The following NSUN6 variants were observed in gnomAD, a reference collection of about 807,000 sequenced individuals.
NSUN6 encodes the protein NOP2/Sun RNA methyltransferase 6, also known as tRNA (cytosine(72)-C(5))-methyltransferase NSUN6.
NSUN6 carries 64 observed loss-of-function variants against 58.0 expected under a neutral mutation model. That is an observed-to-expected ratio of 1.10 (90% CI 0.90 to 1.36). The LOEUF (loss-of-function observed/expected upper bound fraction) is 1.36, where lower values mean the gene tolerates loss of function less well. Among genes scored for constraint, NSUN6 ranks in the 40% most tolerant of loss-of-function variants. The pLI is 0.00. For missense variants in NSUN6, 701 were observed against 550.1 expected, an observed-to-expected ratio of 1.27 and a Z score of -2.74; for synonymous variants, 231 against 193.9, an observed-to-expected ratio of 1.19 and a Z score of -1.59.
upstream of NSUN6, chr10:18,653,186 G>T: frequency 2.0e-6 from 2 of 984,536 alleles, no homozygotes; most frequent in African/African-American, 3.5e-5. Context: ...AACTCCACAA[G>T]GATAGAGACT....
intron 3 of NSUN6, among the ~76,000 whole-genome samples, chr10:18,621,647 G>A (rs1002637397): frequency 2.6e-5 from 4 of 152,056 alleles, no homozygotes; most frequent in African/African-American, 7.2e-5. Context: ...GAAAGATTAC[G>A]TTCCAACAGT....
At chr10:18,567,653 TTCC>T (rs1277162767) in intron 8 of NSUN6, among the ~76,000 whole-genome samples, 1 of 151,304 alleles carries the variant, frequency 6.6e-6, no homozygotes, top group Non-Finnish European at 1.5e-5. Flanking sequence ...TTCCATTCCA[TTCC>T]TCATTGCATT....
chr10:18,629,256 A>G (rs1041975699), intron 3 of NSUN6, among the ~76,000 whole-genome samples: 17 of 152,350 alleles, frequency 1.1e-4, no homozygotes, highest in Admixed American at 5.2e-4. Flanking sequence ...TGAAGGAAGC[A>G]CTAAACATGG....
At chr10:18,566,397 ATTC>A (rs1321523326) in intron 8 of NSUN6, among the ~76,000 whole-genome samples, 3 of 129,962 alleles carry the variant, frequency 2.3e-5, no homozygotes, top group Admixed American at 8.2e-5. Context: ...TCCATTCTCC[ATTC>A]TTCTTCATTC....
chr10:18,557,554 G>T (rs1030106945), intron 8 of NSUN6, among the ~76,000 whole-genome samples: 7 of 150,788 alleles, frequency 4.6e-5, no homozygotes, highest in African/African-American at 1.5e-4. Context: ...TGATGGTATG[G>T]AGAATGGAAT....
intron 8 of NSUN6, among the ~76,000 whole-genome samples, chr10:18,575,637 A>C (rs1399100144): frequency 6.6e-6 from 1 of 152,172 alleles, no homozygotes; most frequent in East Asian, 1.9e-4. Context: ...ATCAGACCTT[A>C]AAGAACCACT....
rs545305190 is a variant in NSUN6, at chr10:18,630,274, T to C, written c.311+12202A>G. Reference sequence around the variant, plus strand: ...AAAGCAGTATGTAGAGGGAAATTTATAGCACTAAATGCCCACAAGAGAAAG... The same window carrying C: ...AAAGCAGTATGTAGAGGGAAATTTACAGCACTAAATGCCCACAAGAGAAAG... On this transcript the variant is annotated intron_variant, in intron 3 of 10. Coordinates refer to ENST00000377304, the MANE Select transcript of NSUN6 (RefSeq NM_182543.5). 2.4e-3 allele frequency among the ~76,000 whole-genome samples: 354 copies of C among 149,946 alleles called. 1 individual carries two copies. The highest frequency in any genetic ancestry group is 0.014 in the South Asian group (65 of 4,508).
intron 1 of NSUN6, among the ~76,000 whole-genome samples, chr10:18,650,068 G>A (rs2059659617): frequency 6.6e-6 from 1 of 152,200 alleles, no homozygotes; most frequent in African/African-American, 2.4e-5. Context: ...ATGGTAAAGT[G>A]GTAGAGAGGA....
At chr10:18,551,425 G>A (rs2054598392) in intron 9 of NSUN6, among the ~76,000 whole-genome samples, 2 of 152,002 alleles carry the variant, frequency 1.3e-5, no homozygotes, top group African/African-American at 2.4e-5. Context: ...CAAACTGCAA[G>A]TCTATACCCA....
chr10:18,608,269 G>A (rs1810378753), intron 6 of NSUN6, among the ~76,000 whole-genome samples: 1 of 152,134 alleles, frequency 6.6e-6, no homozygotes, highest in South Asian at 2.1e-4. Flanking sequence ...AGGTGAAGGA[G>A]TGCAGCTATA....
At chr10:18,627,580 G>A (rs1481368012) in intron 3 of NSUN6, among the ~76,000 whole-genome samples, 6 of 152,214 alleles carry the variant, frequency 3.9e-5, no homozygotes, top group South Asian at 2.1e-4. Flanking sequence ...AAAGCAGGGC[G>A]AGGCATTGCC....
chr10:18,577,464 A>AT (rs1361956788), intron 8 of NSUN6, among the ~76,000 whole-genome samples: 1 of 152,108 alleles, frequency 6.6e-6, no homozygotes, highest in African/African-American at 2.4e-5. Context: ...GTGCTGTGTC[A>AT]TATCACGCAT....
At chr10:18,638,903 G>C (rs1266566946) in intron 3 of NSUN6, among the ~76,000 whole-genome samples, 1 of 138,850 alleles carries the variant, frequency 7.2e-6, no homozygotes, top group African/African-American at 2.7e-5. Flanking sequence ...ACATGTATGT[G>C]AATTATACTT....
At chr10:18,561,821 G>A (rs1332429966) in intron 8 of NSUN6, among the ~76,000 whole-genome samples, 1 of 150,954 alleles carries the variant, frequency 6.6e-6, no homozygotes, top group Non-Finnish European at 1.5e-5. Context: ...GTGGTGAATA[G>A]AATGGAATGG....
At chr10:18,658,680 G>A (rs949395119), upstream of NSUN6, 21 of 981,882 alleles carry the variant, frequency 2.1e-5, no homozygotes, top group Middle Eastern at 5.2e-4. Context: ...TCCATGGCTC[G>A]TCTCCCAATC....
chr10:18,636,886 C>T (rs1240540393), intron 3 of NSUN6, among the ~76,000 whole-genome samples: 1 of 146,440 alleles, frequency 6.8e-6, no homozygotes, highest in African/African-American at 2.5e-5. Context: ...AAGATTCCAT[C>T]TCAAAAAAAT....
chr10:18,603,812 A>G (rs2057944321), intron 6 of NSUN6, among the ~76,000 whole-genome samples: 1 of 152,090 alleles, frequency 6.6e-6, no homozygotes. Context: ...GTAAAATGAA[A>G]TCCTTCTTTT....
intron 8 of NSUN6, among the ~76,000 whole-genome samples, chr10:18,581,700 C>T (rs952391193): frequency 2.0e-5 from 3 of 151,998 alleles, no homozygotes; most frequent in Non-Finnish European, 2.9e-5. Flanking sequence ...GTGGCATGCG[C>T]CTGTAGTCCC....
intron 3 of NSUN6, among the ~76,000 whole-genome samples, chr10:18,631,201 T>C (rs1310335101): frequency 3.3e-5 from 5 of 151,896 alleles, no homozygotes; most frequent in South Asian, 2.1e-4. Context: ...CAAAATTCAA[T>C]AACCCTTCAT....
Sources: gnomAD v4.1 joint callset for allele counts (sites outside exome capture counted in the v4.1 genomes callset) on GRCh38, gnomAD v4.1.1 for gene constraint, MANE v1.5 for transcripts, NCBI Gene and HGNC (gene_info 2026-07-23, HGNC 2026-07-21) for gene names.